Variants in DNAJA1 observed in about 807,000 individuals in gnomAD.
The protein encoded by DNAJA1 is dnaJ homolog subfamily A member 1.
A neutral mutation model predicts 47.6 loss-of-function variants in DNAJA1; 26 were observed. The observed-to-expected ratio is 0.55, with a 90% confidence interval of 0.40 to 0.76. DNAJA1 has a LOEUF of 0.76. Ranked by LOEUF, DNAJA1 falls within the 30% of genes least tolerant of loss-of-function variation. The pLI, the probability that DNAJA1 is intolerant of heterozygous loss-of-function variation, is 0.00. For missense variants in DNAJA1, 315 were observed against 485.0 expected, an observed-to-expected ratio of 0.65 and a Z score of 3.29; for synonymous variants, 165 against 158.4, an observed-to-expected ratio of 1.04 and a Z score of -0.31.
chr9:33,028,276 T>G (rs1221259442), intron 3 of DNAJA1, among the ~76,000 whole-genome samples: 2 of 152,190 alleles, frequency 1.3e-5, no homozygotes, highest in East Asian at 3.8e-4. Context: ...GTTTCAGCTT[T>G]ATTGTGTCAA....
Position 33,039,014 on chromosome 9 carries a change from T to C in DNAJA1, c.*111T>C. On this transcript the variant is annotated 3_prime_UTR_variant, in exon 9 of 9. Coordinates refer to ENST00000330899, the MANE Select transcript of DNAJA1 (RefSeq NM_001539.4). Reference sequence around the variant, plus strand: ...TGCTCTTGTTTTTGTTTTAATAAACTATAGTAGTGTTTTAAAAAGTTAAAT... The same window carrying C: ...TGCTCTTGTTTTTGTTTTAATAAACCATAGTAGTGTTTTAAAAAGTTAAAT... 1.9e-6 allele frequency: 2 copies of C among 1,060,900 alleles called. No individual in the cohort carries two copies. Among genetic ancestry groups the C allele is most frequent in the Non-Finnish European group, 2.7e-6 (2 of 740,254 alleles). The allele number at this position is 1,060,900 out of a possible 1,614,324, so 65.7% of individuals were successfully genotyped here.
At chr9:33,025,600 C>T (rs1411892394) in intron 1 of DNAJA1, among the ~76,000 whole-genome samples, 2 of 152,104 alleles carry the variant, frequency 1.3e-5, no homozygotes, top group Non-Finnish European at 2.9e-5. Flanking sequence ...CTAGACCTCC[C>T]TCCTTCCCCA....
At chr9:33,027,738 T>A (rs1433303927) in intron 3 of DNAJA1, among the ~76,000 whole-genome samples, 5 of 151,706 alleles carry the variant, frequency 3.3e-5, no homozygotes, top group Non-Finnish European at 5.9e-5. Flanking sequence ...CAATCCCAGC[T>A]CCTCTGGAGG....
rs1159228362 is a variant in DNAJA1 at position 33,030,015 on chromosome 9, GTTTTGTTTTT to G, written c.415+27_415+36del. Reference sequence around the variant, plus strand: ...GTACGGTGTTTTTTTGTTTTGTTTTGTTTTGTTTTTAAGCACCTTTAATATGACACCTGAA... The same window carrying G: ...GTACGGTGTTTTTTTGTTTTGTTTTGAAGCACCTTTAATATGACACCTGAA... On this transcript the variant is annotated intron_variant, in intron 4 of 8. Transcript: ENST00000330899. 30 of 1,600,650 alleles carry G rather than the reference GTTTTGTTTTT, an allele frequency of 1.9e-5. No individual in the cohort carries two copies. In the African/African-American group the frequency reaches 1.9e-4, roughly 10 times the overall value.
chr9:33,032,835 A>G (rs4879660), intron 5 of DNAJA1, among the ~76,000 whole-genome samples: 37,568 of 152,008 alleles, frequency 0.25, 4,759 homozygotes, highest in Middle Eastern at 0.31. Context: ...GCTTGAAAGT[A>G]TATGTGGGGG....
chr9:33,030,284 A>T (rs1158537590), intron 4 of DNAJA1, among the ~76,000 whole-genome samples, 156 bp from the exon 5 acceptor site: 1 of 152,260 alleles, frequency 6.6e-6, no homozygotes, highest in Non-Finnish European at 1.5e-5. Flanking sequence ...AATGAAACTC[A>T]TTGGAATGAT....
At position 33,025,348 on chromosome 9, in the gene DNAJA1, T is replaced by G. The variant is rs1162722110; in HGVS notation, c.-46T>G. The G allele has an allele frequency of 6.6e-6, 1 of 152,366 alleles. No homozygotes were observed. Among genetic ancestry groups the G allele is most frequent in the Non-Finnish European group, 1.5e-5 (1 of 68,112 alleles). The allele number at this position is 152,366 out of a possible 1,614,324, so 9.4% of individuals were successfully genotyped here. On this transcript the variant is annotated 5_prime_UTR_variant, in exon 1 of 9. Coordinates refer to ENST00000330899, the MANE Select transcript of DNAJA1 (RefSeq NM_001539.4). ...CGGCTGCGCACAGCTCGGCGCTCCT[T>G]CCCGCTCCCTCACACACCGGCCTCA... is the stretch of plus-strand genomic sequence containing the variant.
intron 3 of DNAJA1, among the ~76,000 whole-genome samples, chr9:33,029,448 TTACTG>T (rs1838926778): frequency 1.3e-5 from 2 of 152,346 alleles, no homozygotes; most frequent in South Asian, 4.1e-4. Flanking sequence ...TAATGAGAAT[TTACTG>T]TGCTACAGAA....
intron 3 of DNAJA1, among the ~76,000 whole-genome samples, chr9:33,027,739 C>T (rs1838895332): frequency 1.3e-5 from 2 of 151,870 alleles, no homozygotes; most frequent in South Asian, 2.1e-4. Context: ...AATCCCAGCT[C>T]CTCTGGAGGC....
At chr9:33,025,953 G>A (rs1474407605) in intron 1 of DNAJA1, among the ~76,000 whole-genome samples, 1 of 152,206 alleles carries the variant, frequency 6.6e-6, no homozygotes, top group Non-Finnish European at 1.5e-5. Context: ...AGGGGCGAGA[G>A]GGATTCGGCT....
intron 6 of DNAJA1, 111 bp downstream of exon 6, chr9:33,034,441 TTCTC>T: frequency 1.3e-6 from 1 of 750,358 alleles, no homozygotes; most frequent in Admixed American, 2.9e-5. Context: ...TAGAACCTAT[TTCTC>T]AGGAAGATTG....
Position 33,039,536 on chromosome 9 carries a change from C to CATATATATATATGT in DNAJA1, c.*644_*645insTGTATATATATATA, listed in dbSNP as rs201643498. ...TTGTGTTTCCTTCTGCTGTGCCATT[C>CATATATATATATGT]ATATATATATACATATATATATATA... On this transcript the variant is annotated 3_prime_UTR_variant, in exon 9 of 9. Coordinates refer to ENST00000330899, the MANE Select transcript of DNAJA1 (RefSeq NM_001539.4). The CATATATATATATGT allele has an allele frequency of 8.8e-6, 1 of 113,882 alleles. No homozygotes were observed. Among genetic ancestry groups the CATATATATATATGT allele is most frequent in the Non-Finnish European group, 2.1e-5 (1 of 47,690 alleles). 7.1% of individuals were successfully genotyped at this position (113,882 alleles called of 1,614,324 possible).
rs113548087 is a variant in DNAJA1 at position 33,035,232 on chromosome 9, A to T, written c.758+902A>T. ...TGAAATGCCATCTCTGTTAAAAATTAAAAAATTAGCCAGGCATGGTGGCAG... is the reference window on the plus strand; with the variant it reads ...TGAAATGCCATCTCTGTTAAAAATTTAAAAATTAGCCAGGCATGGTGGCAG... On this transcript the variant is annotated intron_variant, in intron 6 of 8. Coordinates refer to ENST00000330899, the MANE Select transcript of DNAJA1 (RefSeq NM_001539.4). Among the ~76,000 whole-genome samples the T allele has an allele frequency of 9.0e-3, 1,375 of 152,124 alleles. 18 individuals carry two copies. The highest frequency in any genetic ancestry group is 0.024 in the Middle Eastern group (7 of 294).
intron 5 of DNAJA1, among the ~76,000 whole-genome samples, chr9:33,031,551 C>CT (rs1216517255): frequency 6.6e-6 from 1 of 152,232 alleles, no homozygotes; most frequent in East Asian, 1.9e-4. Context: ...CCTGCCCCAG[C>CT]TTCCCAGGTA....
chr9:33,029,216 G>A (rs1358460943), intron 3 of DNAJA1, among the ~76,000 whole-genome samples: 3 of 152,188 alleles, frequency 2.0e-5, no homozygotes, highest in African/African-American at 7.2e-5. Context: ...ACATGTGATT[G>A]GTGGCTGCTA....
intron 3 of DNAJA1, among the ~76,000 whole-genome samples, chr9:33,028,728 C>T (rs1216322776): frequency 1.3e-5 from 2 of 152,156 alleles, no homozygotes; most frequent in African/African-American, 4.8e-5. Flanking sequence ...GAGGTTATTT[C>T]TGGGGAAATG....
chr9:33,029,543 A>G (rs1408650007), intron 3 of DNAJA1, among the ~76,000 whole-genome samples: 1 of 152,244 alleles, frequency 6.6e-6, no homozygotes, highest in Non-Finnish European at 1.5e-5. Context: ...GACAGAAATG[A>G]ATGTTTGGAT....
At chr9:33,032,274 A>T (rs1463582126) in intron 5 of DNAJA1, among the ~76,000 whole-genome samples, 1 of 152,246 alleles carries the variant, frequency 6.6e-6, no homozygotes, top group Non-Finnish European at 1.5e-5. Context: ...AAAGGTAAAA[A>T]TAAGTTTCCT....
chr9:33,036,717 CTCT>C, intron 7 of DNAJA1, 28 bp downstream of exon 7: 1 of 1,509,142 alleles, frequency 6.6e-7, no homozygotes, highest in Non-Finnish European at 9.2e-7. Flanking sequence ...GCTTAAACTT[CTCT>C]TTTCTATTCT....
Sources: gnomAD v4.1 joint callset for allele counts (sites outside exome capture counted in the v4.1 genomes callset) on GRCh38, gnomAD v4.1.1 for gene constraint, MANE v1.5 for transcripts, NCBI Gene and HGNC (gene_info 2026-07-23, HGNC 2026-07-21) for gene names.